ARHGAP15: variants seen among roughly 807,000 people sequenced by gnomAD.
ARHGAP15 encodes the protein Rho GTPase activating protein 15.
A neutral mutation model predicts 63.7 loss-of-function variants in ARHGAP15; 51 were observed. The observed-to-expected ratio is 0.80, with a 90% CI of 0.64 to 1.01. ARHGAP15 has a LOEUF of 1.01. ARHGAP15 is among the 50% of genes least tolerant of loss of function. ARHGAP15 has a pLI of 0.00. For missense variants in ARHGAP15, 560 were observed against 564.6 expected (o/e 0.99, Z 0.08); for synonymous variants, 191 against 193.8 (o/e 0.99, Z 0.12).
Position 143,540,342 on chromosome 2 carries a change from T to G in ARHGAP15, c.926-16066T>G, listed in dbSNP as rs540911943. On this transcript the variant is annotated intron_variant, in intron 10 of 13. Coordinates refer to ENST00000295095, the MANE Select transcript of ARHGAP15 (RefSeq NM_018460.4). ...CTTGACTCTTTATCCAATTTGCCAG[T>G]CTGTGCCTTTTAACTGGAGCGTTTA... 4.6e-5 allele frequency among the ~76,000 whole-genome samples: 7 copies of G among 152,350 alleles called. No homozygotes were observed. The East Asian group carries it at 9.7e-4, about 21-fold the overall frequency.
chr2:143,706,638 T>G (rs1684340187), intron 13 of ARHGAP15: 1 of 152,186 alleles, frequency 6.6e-6, no homozygotes, highest in South Asian at 2.1e-4. Context: ...GGATTGTGAT[T>G]ATATTAAGCA....
intron 6 of ARHGAP15, among the ~76,000 whole-genome samples, chr2:143,302,056 G>T (rs1411776100): frequency 2.0e-5 from 3 of 151,894 alleles, no homozygotes; most frequent in Non-Finnish European, 4.4e-5. Context: ...TTTGATATTT[G>T]CTATAAGCAT....
intron 12 of ARHGAP15, among the ~76,000 whole-genome samples, chr2:143,628,325 C>T (rs1430797637): frequency 6.6e-6 from 1 of 152,092 alleles, no homozygotes; most frequent in African/African-American, 2.4e-5. Context: ...GATTTGTTTC[C>T]TTTTGGATGT....
At chr2:143,543,376 T>C (rs1023921673) in intron 10 of ARHGAP15, among the ~76,000 whole-genome samples, 3 of 152,160 alleles carry the variant, frequency 2.0e-5, no homozygotes, top group African/African-American at 7.2e-5. Context: ...TTTTTGCTCA[T>C]TTTTAACTTG....
At chr2:143,349,249 A>G (rs1392396921) in intron 6 of ARHGAP15, among the ~76,000 whole-genome samples, 38 of 152,194 alleles carry the variant, frequency 2.5e-4, no homozygotes, top group Admixed American at 2.4e-3. Flanking sequence ...TTTGAGTGAG[A>G]GGATAAAAGG....
At chr2:143,457,537 AAT>A (rs1212943802) in intron 8 of ARHGAP15, among the ~76,000 whole-genome samples, 1 of 150,808 alleles carries the variant, frequency 6.6e-6, no homozygotes, top group Non-Finnish European at 1.5e-5. Context: ...GTTTTTTTTT[AAT>A]ATATATATAT....
Position 143,202,201 on chromosome 2 carries a change from T to G in ARHGAP15, c.233T>G (p.Leu78Arg). ...LKDVIPPLEQLMVEKEGYLQK... is the reference protein window; with the variant it reads ...LKDVIPPLEQRMVEKEGYLQK... The stretch of plus-strand genomic sequence containing the variant: ...GATGTCATTCCTCCATTGGAACAAC[T>G]GGTGAGTGTTTAAGTCATTATATTC... The change falls in exon 3 of 14, where the codon CTG becomes CGG. Residue 78 changes from leucine to arginine, a missense_variant and splice_region_variant. By Grantham distance (102) the Leu-to-Arg change is moderately radical. Transcript: ENST00000295095. 1.2e-6 allele frequency: 2 copies of G among 1,609,530 alleles called. No individual in the cohort carries two copies. Among genetic ancestry groups the G allele is most frequent in the Non-Finnish European group, 1.7e-6 (2 of 1,176,132 alleles).
chr2:143,377,169 T>A (rs1686850472), intron 6 of ARHGAP15, among the ~76,000 whole-genome samples: 1 of 151,978 alleles, frequency 6.6e-6, no homozygotes, highest in Non-Finnish European at 1.5e-5. Flanking sequence ...TGTAATCCTA[T>A]AAAGAATAAA....
At chr2:143,464,358 TGAAAATATAA>T (rs1691104169) in intron 8 of ARHGAP15, among the ~76,000 whole-genome samples, 1 of 152,168 alleles carries the variant, frequency 6.6e-6, no homozygotes, top group African/African-American at 2.4e-5. Flanking sequence ...AAGAATAGAC[TGAAAATATAA>T]TCTTATGGAA....
At chr2:143,325,804 C>T (rs182128474) in intron 6 of ARHGAP15, among the ~76,000 whole-genome samples, 44 of 152,180 alleles carry the variant, frequency 2.9e-4, no homozygotes, top group Admixed American at 7.9e-4. Flanking sequence ...TATTTAAATA[C>T]TTGATTTCCA....
intron 6 of ARHGAP15, among the ~76,000 whole-genome samples, chr2:143,271,562 G>A (rs1214819451): frequency 6.6e-6 from 1 of 152,302 alleles, no homozygotes; most frequent in African/African-American, 2.4e-5. Context: ...TGCAAGCTCC[G>A]CTTCCCGGGT....
At chr2:143,415,070 TA>T (rs1280964909) in intron 6 of ARHGAP15, among the ~76,000 whole-genome samples, 3 of 152,204 alleles carry the variant, frequency 2.0e-5, no homozygotes, top group Non-Finnish European at 1.5e-5. Flanking sequence ...AATACAATAT[TA>T]GTAACCAAAT....
intron 6 of ARHGAP15, among the ~76,000 whole-genome samples, chr2:143,411,016 C>G (rs981369559): frequency 9.9e-5 from 15 of 151,972 alleles, no homozygotes; most frequent in Admixed American, 2.6e-4. Context: ...ACCAGCCTGA[C>G]CAACATGGAA....
chr2:143,643,319 A>C (rs1385913622), intron 12 of ARHGAP15, among the ~76,000 whole-genome samples: 1 of 152,064 alleles, frequency 6.6e-6, no homozygotes, highest in African/African-American at 2.4e-5. Context: ...GATATGCCTC[A>C]AGAGGCTCAT....
At chr2:143,429,023 A>G (rs1309332436) in intron 6 of ARHGAP15, among the ~76,000 whole-genome samples, 2 of 152,106 alleles carry the variant, frequency 1.3e-5, no homozygotes, top group African/African-American at 4.8e-5. Flanking sequence ...TTATACACCA[A>G]CTGCTTTGAT....
chr2:143,573,675 T>C (rs1696552897), intron 11 of ARHGAP15, among the ~76,000 whole-genome samples: 1 of 152,178 alleles, frequency 6.6e-6, no homozygotes, highest in Non-Finnish European at 1.5e-5. Context: ...CACAAACCCC[T>C]TTCTGTTTTA....
chr2:143,481,030 T>C (rs191687681), intron 8 of ARHGAP15, among the ~76,000 whole-genome samples: 1,555 of 152,296 alleles, frequency 0.01, 17 homozygotes, highest in Admixed American at 0.014. Flanking sequence ...TACTTTGTTA[T>C]GTAATCCCTA....
chr2:143,403,238 G>A (rs373178326), intron 6 of ARHGAP15, among the ~76,000 whole-genome samples: 18 of 151,062 alleles, frequency 1.2e-4, no homozygotes, highest in Non-Finnish European at 1.8e-4. Context: ...CAATAAGACC[G>A]TTTGATTTCT....
At chr2:143,377,849 A>T (rs942482948) in intron 6 of ARHGAP15, among the ~76,000 whole-genome samples, 34 of 152,066 alleles carry the variant, frequency 2.2e-4, no homozygotes, top group Admixed American at 2.0e-3. Context: ...AATTCTTTGA[A>T]TGATGTTTAT....
Sources: allele counts gnomAD v4.1 joint callset (sites outside exome capture counted in the v4.1 genomes callset), GRCh38; gene constraint gnomAD v4.1.1; transcripts MANE v1.5; gene names NCBI Gene and HGNC (gene_info 2026-07-23, HGNC 2026-07-21).